CCDC68: variants seen among roughly 807,000 people sequenced by gnomAD.
CCDC68 encodes the protein coiled-coil domain containing 68.
In CCDC68, 45 loss-of-function variants were observed where a neutral mutation model predicts 47.1. That is an observed-to-expected ratio of 0.96 (90% CI 0.75 to 1.23). The LOEUF (loss-of-function observed/expected upper bound fraction) is 1.23, where lower values mean the gene tolerates loss of function less well. Among genes scored for constraint, CCDC68 ranks in the 50% most tolerant of loss-of-function variants. CCDC68 has a pLI of 0.00. For synonymous variants in CCDC68, 131 were observed against 129.5 expected, an observed-to-expected ratio of 1.01 and a Z score of -0.08; for missense variants, 353 against 373.6, an observed-to-expected ratio of 0.94 and a Z score of 0.45.
At chr18:54,919,715 G>A (rs2044020741) in intron 8 of CCDC68, among the ~76,000 whole-genome samples, 1 of 152,136 alleles carries the variant, frequency 6.6e-6, no homozygotes, top group Admixed American at 6.5e-5. Flanking sequence ...CACAGACCTG[G>A]CACCCATCAA....
At chr18:54,933,498 G>A (rs1008935939) in intron 7 of CCDC68, among the ~76,000 whole-genome samples, 4 of 152,200 alleles carry the variant, frequency 2.6e-5, no homozygotes, top group Non-Finnish European at 1.5e-5. Flanking sequence ...TAATCAAGTT[G>A]TTTGGTTAAG....
At chr18:54,953,524 ACAC>A (rs1568166180) in intron 1 of CCDC68, among the ~76,000 whole-genome samples, 3 of 130,964 alleles carry the variant, frequency 2.3e-5, no homozygotes, top group African/African-American at 9.4e-5. Context: ...ACACACACAC[ACAC>A]ACACACACAC....
At chr18:54,930,167 C>T (rs1391086994) in intron 7 of CCDC68, among the ~76,000 whole-genome samples, 1 of 152,072 alleles carries the variant, frequency 6.6e-6, no homozygotes, top group Admixed American at 6.6e-5. Context: ...CACTTTTTCT[C>T]CAAAATGCCT....
At chr18:54,912,345 G>T (rs1272250609) in intron 10 of CCDC68, among the ~76,000 whole-genome samples, 2 of 152,042 alleles carry the variant, frequency 1.3e-5, no homozygotes, top group Non-Finnish European at 2.9e-5. Flanking sequence ...AAATTTTCTG[G>T]TGATATTTAA....
intron 10 of CCDC68, among the ~76,000 whole-genome samples, chr18:54,916,587 G>A (rs183603808): frequency 1.3e-5 from 2 of 152,194 alleles, no homozygotes; most frequent in Admixed American, 6.5e-5. Flanking sequence ...TGGGTGATGC[G>A]CCATTTGACA....
intron 8 of CCDC68, 101 bp from the exon 9 acceptor site, chr18:54,919,477 G>C: frequency 2.1e-6 from 2 of 938,798 alleles, no homozygotes; most frequent in East Asian, 4.9e-5. Flanking sequence ...ACTGCTACTG[G>C]GGATCAGTTG....
chr18:54,915,310 T>C (rs1171876375), intron 10 of CCDC68, among the ~76,000 whole-genome samples: 2 of 152,222 alleles, frequency 1.3e-5, no homozygotes, highest in East Asian at 3.8e-4. Context: ...TTGTTCAACA[T>C]TGTTTTCTAG....
chr18:54,953,606 A>G (rs985181791), intron 1 of CCDC68, among the ~76,000 whole-genome samples: 4 of 151,868 alleles, frequency 2.6e-5, no homozygotes, highest in African/African-American at 7.3e-5. Context: ...GTTAAAAACA[A>G]CAGGCAACTG....
chr18:54,922,196 C>T (rs1436520484), intron 8 of CCDC68, among the ~76,000 whole-genome samples: 1 of 152,126 alleles, frequency 6.6e-6, no homozygotes, highest in Non-Finnish European at 1.5e-5. Flanking sequence ...ACTTGAGGTT[C>T]AGAGGCTTCT....
intron 10 of CCDC68, among the ~76,000 whole-genome samples, chr18:54,913,576 A>G (rs1914487309): frequency 2.0e-5 from 3 of 152,200 alleles, no homozygotes; most frequent in Admixed American, 2.0e-4. Context: ...CCAAGGCAGG[A>G]GGATCACTTG....
intron 3 of CCDC68, among the ~76,000 whole-genome samples, chr18:54,942,083 C>T (rs574500063): frequency 1.3e-4 from 20 of 152,324 alleles, no homozygotes; most frequent in African/African-American, 4.8e-4. Flanking sequence ...CAGGCATGAG[C>T]CACTGCACCT....
chr18:54,953,153 A>G (rs2044647228), intron 1 of CCDC68, among the ~76,000 whole-genome samples: 1 of 152,222 alleles, frequency 6.6e-6, no homozygotes, highest in Non-Finnish European at 1.5e-5. Flanking sequence ...TAAAAACTGT[A>G]GGAATCAAAA....
At chr18:54,944,947 C>CA (rs1384161564) in intron 2 of CCDC68, among the ~76,000 whole-genome samples, 1 of 151,942 alleles carries the variant, frequency 6.6e-6, no homozygotes, top group Non-Finnish European at 1.5e-5. Flanking sequence ...GATTTTGATT[C>CA]AAAAAAATCA....
At chr18:54,959,077 A>C (rs373540562) in intron 1 of CCDC68, 1 of 152,234 alleles carries the variant, frequency 6.6e-6, no homozygotes. Flanking sequence ...TGTGCGCCGG[A>C]CTAAGTAGGG....
At chr18:54,956,866 T>C (rs983387470) in intron 1 of CCDC68, among the ~76,000 whole-genome samples, 3 of 152,134 alleles carry the variant, frequency 2.0e-5, no homozygotes, top group Non-Finnish European at 4.4e-5. Context: ...CCAAAAATCA[T>C]TGAATTATAC....
At chr18:54,937,423 A>G (rs955380263) in intron 5 of CCDC68, 4 of 155,004 alleles carry the variant, frequency 2.6e-5, no homozygotes, top group African/African-American at 7.2e-5. Context: ...ACAATCAAGG[A>G]TGACTATAAA....
rs2043916275 is a variant in CCDC68, at chr18:54,914,731, A to G, written c.873+3182T>C. 2.0e-5 allele frequency among the ~76,000 whole-genome samples: 3 copies of G among 152,228 alleles called. No homozygotes were observed. The South Asian group carries it at 6.2e-4, about 32-fold the overall frequency. On this transcript the variant is annotated intron_variant, in intron 10 of 11. Coordinates refer to ENST00000591504, the MANE Select transcript of CCDC68 (RefSeq NM_025214.3). ...GTCACATTACTGTAGAGAGTCTGCC[A>G]CAAACCAAGAAGTTTTCATGAGAGG... is the stretch of plus-strand genomic sequence containing the variant.
intron 1 of CCDC68, among the ~76,000 whole-genome samples, chr18:54,957,605 C>A (rs2044734584): frequency 7.1e-6 from 1 of 140,946 alleles, no homozygotes; most frequent in African/African-American, 2.7e-5. Flanking sequence ...GTTTCTAAAA[C>A]AATGTACACA....
intron 6 of CCDC68, among the ~76,000 whole-genome samples, chr18:54,936,501 G>A (rs796609481): frequency 3.6e-4 from 55 of 152,050 alleles, no homozygotes; most frequent in African/African-American, 1.3e-3. Context: ...GCCATCTAGC[G>A]AGTCAACGGC....
Sources: gnomAD v4.1 joint callset for allele counts (sites outside exome capture counted in the v4.1 genomes callset) on GRCh38, gnomAD v4.1.1 for gene constraint, MANE v1.5 for transcripts, NCBI Gene and HGNC (gene_info 2026-07-23, HGNC 2026-07-21) for gene names.